IL11: variants seen among roughly 807,000 people sequenced by gnomAD.
IL11 encodes the protein interleukin 11.
IL11 carries 17 observed loss-of-function variants against 18.1 expected under a neutral mutation model. That is an observed-to-expected ratio of 0.94 (90% CI 0.64 to 1.41). The LOEUF is 1.41. Among genes scored for constraint, IL11 ranks in the 40% most tolerant of loss-of-function variants. The pLI, the probability that IL11 is intolerant of heterozygous loss-of-function variation, is 0.00. For synonymous variants in IL11, 144 were observed against 134.1 expected, an observed-to-expected ratio of 1.07 and a Z score of -0.51; for missense variants, 309 against 262.8, an observed-to-expected ratio of 1.18 and a Z score of -1.22.
Position 55,369,597 on chromosome 19 carries a change from G to A in IL11, c.8-656C>T, listed in dbSNP as rs999559042. On this transcript the variant is annotated intron_variant, in intron 1 of 4. Transcript: ENST00000264563. This position sits in a 1 kb window ranked among gnomAD's most constrained non-coding sequence, Gnocchi z 6.1. ...GCAGAGCCATGGGCCCGGCCGGGCC[G>A]CGGGAGCGGGAGAGCTGGCGGCGGG... Among the ~76,000 whole-genome samples, 184 of 149,478 alleles carry A rather than the reference G, an allele frequency of 1.2e-3. 1 individual carries two copies. The highest frequency in any genetic ancestry group is 4.4e-3 in the African/African-American group (180 of 41,016).
intron 2 of IL11, 93 bp from the exon 3 acceptor site, chr19:55,368,662 C>A: frequency 1.3e-6 from 2 of 1,492,378 alleles, no homozygotes; most frequent in Admixed American, 2.0e-5. Flanking sequence ...CCCTCCCTCA[C>A]TCTGCCACCT....
Position 55,368,874 on chromosome 19 carries a change from T to G in IL11, c.75A>C (p.Pro25=). The change falls in exon 2 of 5, where the codon CCA becomes CCC. Residue 25 remains proline (P), a synonymous_variant. Transcript: ENST00000264563. The part of the protein sequence containing the change: ...WPDTAVAPGP[P]PGPPRVSPDP... ...CTGGGGAAACTCGAGGGGGGCCAGGTGGTGGCCCAGGGGCGACAGCTGTAT... is the reference window on the plus strand; with the variant it reads ...CTGGGGAAACTCGAGGGGGGCCAGGGGGTGGCCCAGGGGCGACAGCTGTAT... The G allele has an allele frequency of 3.8e-6, 6 of 1,572,860 alleles. No individual in the cohort carries two copies. Among genetic ancestry groups the G allele is most frequent in the Non-Finnish European group, 5.2e-6 (6 of 1,159,054 alleles).
chr19:55,370,448 G>C lies in IL11; in HGVS notation c.-138C>G. 3 of 479,746 alleles carry C rather than the reference G, an allele frequency of 6.3e-6. No homozygotes were observed. Among genetic ancestry groups the C allele is most frequent in the Non-Finnish European group, 1.1e-5 (3 of 282,476 alleles). The allele number at this position is 479,746 out of a possible 1,614,324, so 29.7% of individuals were successfully genotyped here. ...GGAGGGGAGGCATGTGCCCTGAGCA[G>C]CAGGGCCGCGGCAGTGAGGGAGTGT... On this transcript the variant is annotated 5_prime_UTR_variant, in exon 1 of 5. Coordinates refer to ENST00000264563, the MANE Select transcript of IL11 (RefSeq NM_000641.4).
rs374283886 is a variant in IL11, at chr19:55,369,617, GGCGGGGGGC to G, written c.7+678_8-677del. On this transcript the variant is annotated intron_variant, in intron 1 of 4. Coordinates refer to ENST00000264563, the MANE Select transcript of IL11 (RefSeq NM_000641.4). The surrounding 1 kb of genome is among the most constrained non-coding windows in gnomAD (Gnocchi z 6.1). Reference sequence around the variant, plus strand: ...GGGCCGCGGGAGCGGGAGAGCTGGCGGCGGGGGGCGCGGGGGGCGCGGGGGGCGCGGGGG... The same window carrying G: ...GGGCCGCGGGAGCGGGAGAGCTGGCGGCGGGGGGCGCGGGGGGCGCGGGGG... 1.0e-2 allele frequency among the ~76,000 whole-genome samples: 1,435 copies of G among 143,902 alleles called. 14 individuals carry two copies. Among genetic ancestry groups the G allele is most frequent in the Non-Finnish European group, 0.015 (992 of 65,708 alleles). The allele number at this position is 143,902 out of a possible 152,430, so 94.4% of individuals were successfully genotyped here.
In IL11 at chr19:55,369,971, C is replaced by T. The variant is rs2089812518; in HGVS notation, c.7+333G>A. ...GAGTCTCCCGGTCCCCGCGGGCTCC[C>T]TGGGGCCTGGGTCGATGGGGGTCAC... On this transcript the variant is annotated intron_variant, in intron 1 of 4. Transcript: ENST00000264563. This position sits in a 1 kb window ranked among gnomAD's most constrained non-coding sequence, Gnocchi z 6.1. Among the ~76,000 whole-genome samples, 1 of 152,060 alleles carries T rather than the reference C, an allele frequency of 6.6e-6. No homozygotes were observed. The highest frequency in any genetic ancestry group is 2.4e-5 in the African/African-American group (1 of 41,426).
Position 55,368,542 on chromosome 19 carries a change from G to C in IL11, c.208C>G (p.His70Asp). 2 of 1,612,870 alleles carry C rather than the reference G, an allele frequency of 1.2e-6. No individual in the cohort carries two copies. Among genetic ancestry groups the C allele is most frequent in the Non-Finnish European group, 1.7e-6 (2 of 1,179,694 alleles). ...AGGGTGGGCAGGGAATCCAGGTTGT[G>C]GTCCCCGTCAGCTGGGAATTTGTCC... ...LRDKFPADGD[H>D]NLDSLPTLAM... The change falls in exon 3 of 5, where the codon CAC becomes GAC. Residue 70 changes from histidine to aspartate, a missense_variant. By Grantham distance (81) the His-to-Asp change is moderately conservative. Transcript: ENST00000264563.
In IL11 at chr19:55,368,503, C is replaced by T. The variant is rs2089800346; in HGVS notation, c.247G>A (p.Gly83Arg). The change falls in exon 3 of 5, where the codon GGG becomes AGG. Residue 83 changes from glycine to arginine, a missense_variant. Coordinates refer to ENST00000264563, the MANE Select transcript of IL11 (RefSeq NM_000641.4). Reference sequence around the variant, plus strand: ...CTTACCTGTAGAGCTCCCAGTGCCCCCGCACTCATGGCCAGGGTGGGCAGG... The same window carrying T: ...CTTACCTGTAGAGCTCCCAGTGCCCTCGCACTCATGGCCAGGGTGGGCAGG... ...DSLPTLAMSAGALGALQLPGV... is the reference protein window; with the variant it reads ...DSLPTLAMSARALGALQLPGV... The T allele has an allele frequency of 6.2e-7, 1 of 1,612,428 alleles. No individual in the cohort carries two copies. Among genetic ancestry groups the T allele is most frequent in the African/African-American group, 1.3e-5 (1 of 75,006 alleles).
At position 55,366,223 on chromosome 19, in the gene IL11, G is replaced by A. The variant is rs1298091165; in HGVS notation, c.430-46C>T. On this transcript the variant is annotated intron_variant, in intron 4 of 4. Transcript: ENST00000264563. The surrounding 1 kb of genome is among the most constrained non-coding windows in gnomAD (Gnocchi z 4.6). ...TGAGTCACAGGTAGGGGGTGCAGCG[G>A]GGGTGCAGGGCAGGGGTGCTGTGGA... The A allele has an allele frequency of 6.9e-7, 1 of 1,444,756 alleles. No individual in the cohort carries two copies. Among genetic ancestry groups the A allele is most frequent in the South Asian group, 1.5e-5 (1 of 68,068 alleles). The allele number at this position is 1,444,756 out of a possible 1,614,324, so 89.5% of individuals were successfully genotyped here. A position where few individuals can be genotyped will look rare whatever the true frequency, so the allele number is the denominator to read the frequency against.
Position 55,369,805 on chromosome 19 carries a change from C to T in IL11, c.7+499G>A, listed in dbSNP as rs571250542. On this transcript the variant is annotated intron_variant, in intron 1 of 4. Coordinates refer to ENST00000264563, the MANE Select transcript of IL11 (RefSeq NM_000641.4). This position sits in a 1 kb window ranked among gnomAD's most constrained non-coding sequence, Gnocchi z 6.1. ...GGTCTGTCCGCGCCTCCGTCGGCCG[C>T]ATCTGCCCGGCTCTCCCCGCTTTCC... 4.6e-5 allele frequency among the ~76,000 whole-genome samples: 7 copies of T among 151,686 alleles called. No individual in the cohort carries two copies. Among genetic ancestry groups the T allele is most frequent in the South Asian group, 4.2e-4 (2 of 4,818 alleles).
In IL11 at chr19:55,370,170, G is replaced by A. The variant is rs1401447214; in HGVS notation, c.7+134C>T. 16 of 714,696 alleles carry A rather than the reference G, an allele frequency of 2.2e-5. No individual in the cohort carries two copies. The East Asian group carries it at 4.6e-4, about 20-fold the overall frequency. 44.3% of individuals were successfully genotyped at this position (714,696 alleles called of 1,614,324 possible). A position where few individuals can be genotyped will look rare whatever the true frequency, so the allele number is the denominator to read the frequency against. ...TCCTCCGCCGCCTCCTGTCTCCGAA[G>A]CTGCTCTCCTCCCCGGCTGCCTGTC... On this transcript the variant is annotated intron_variant, in intron 1 of 4. Transcript: ENST00000264563.
intron 1 of IL11, 148 bp downstream of exon 1, chr19:55,370,156 C>T: frequency 5.7e-6 from 4 of 697,508 alleles, no homozygotes; most frequent in South Asian, 4.8e-5. Flanking sequence ...CCTCCGCCGC[C>T]TCCTGTCTCC....
chr19:55,366,818 A>AAAT lies in IL11; in HGVS notation c.430-644_430-642dup, dbSNP rs532964468. ...CAGAGCGCGAGACTCTGTCTCCAAA[A>AAAT]AATAATAATAATAATAATAATTAAG... On this transcript the variant is annotated intron_variant, in intron 4 of 4. Coordinates refer to ENST00000264563, the MANE Select transcript of IL11 (RefSeq NM_000641.4). This position sits in a 1 kb window ranked among gnomAD's most constrained non-coding sequence, Gnocchi z 4.6. Among the ~76,000 whole-genome samples, 381 of 151,944 alleles carry AAAT rather than the reference A, an allele frequency of 2.5e-3. 1 individual carries two copies. The highest frequency in any genetic ancestry group is 0.016 in the South Asian group (75 of 4,814).
rs1032495651 is a variant in IL11 at position 55,370,400 on chromosome 19, G to T, written c.-90C>A. 1.2e-4 allele frequency: 139 copies of T among 1,173,896 alleles called. No individual in the cohort carries two copies. The African/African-American group carries it at 1.8e-3, about 15-fold the overall frequency. The allele number at this position is 1,173,896 out of a possible 1,614,324, so 72.7% of individuals were successfully genotyped here. The stretch of plus-strand genomic sequence containing the variant: ...CTGTCCGCTGCCGGGGGAGCCCCGA[G>T]GGTCAGCTGGGCCGCGGCCTGGGGA... On this transcript the variant is annotated 5_prime_UTR_variant, in exon 1 of 5. Transcript: ENST00000264563.
At position 55,366,979 on chromosome 19, in the gene IL11, T is replaced by C. The variant is rs1410799124; in HGVS notation, c.430-802A>G. ...ACCAGAGCTGGGGTTTTACAGACAG[T>C]ATCTGAGGTCTGTGGGCTCGAGTCT... On this transcript the variant is annotated intron_variant, in intron 4 of 4. Transcript: ENST00000264563. This position sits in a 1 kb window ranked among gnomAD's most constrained non-coding sequence, Gnocchi z 4.6. 6.6e-6 allele frequency among the ~76,000 whole-genome samples: 1 copy of C among 152,096 alleles called. No individual in the cohort carries two copies. Among genetic ancestry groups the C allele is most frequent in the Non-Finnish European group, 1.5e-5 (1 of 68,016 alleles).
chr19:55,365,878 G>T lies in IL11; in HGVS notation c.*129C>A. 7.0e-7 allele frequency: 1 copy of T among 1,438,848 alleles called. No individual in the cohort carries two copies. Among genetic ancestry groups the T allele is most frequent in the Non-Finnish European group, 9.4e-7 (1 of 1,059,598 alleles). 89.1% of individuals were successfully genotyped at this position (1,438,848 alleles called of 1,614,324 possible). On this transcript the variant is annotated 3_prime_UTR_variant, in exon 5 of 5. Transcript: ENST00000264563. The stretch of plus-strand genomic sequence containing the variant: ...GGCACAGATGCCCCCCAGGCCTCAC[G>T]GAAGGACTGTCTCTAACTAGGGGGA...
In IL11 at chr19:55,368,295, C is replaced by T. The variant is rs539435634; in HGVS notation, c.344G>A (p.Gly115Asp). 3.5e-4 allele frequency: 554 copies of T among 1,574,496 alleles called. 10 individuals are homozygous for T. The South Asian group carries it at 6.0e-3, about 17-fold the overall frequency. Residue 115 changes from glycine (G) to aspartate (D), a missense_variant, in exon 4 of 5, where the codon GGT (glycine) becomes GAT (aspartate). By Grantham distance (94) the Gly-to-Asp change is moderately conservative. Transcript: ENST00000264563. ...CTCCAGGGTCTTCAGGGAAGAGCCA[C>T]CTGCCCGGCGCAGCCACTGCACGTG... is the stretch of plus-strand genomic sequence containing the variant. ...LRHVQWLRRA[G>D]GSSLKTLEPE...
intron 1 of IL11, 143 bp downstream of exon 1, chr19:55,370,161 G>A: frequency 1.4e-6 from 1 of 699,612 alleles, no homozygotes; most frequent in Non-Finnish European, 2.6e-6. Context: ...GCCGCCTCCT[G>A]TCTCCGAAGC....
rs1317021622 is a variant in IL11 at position 55,369,228 on chromosome 19, A to T, written c.8-287T>A. 3 of 271,990 alleles carry T rather than the reference A, an allele frequency of 1.1e-5. No homozygotes were observed. Among genetic ancestry groups the T allele is most frequent in the Non-Finnish European group, 2.1e-5 (3 of 144,460 alleles). The allele number at this position is 271,990 out of a possible 1,614,324, so 16.8% of individuals were successfully genotyped here. Reference sequence around the variant, plus strand: ...GGTGGAACGCCCGCGGGCAGGTCGCAGGGCCAGGCGGGCTTCCCTCTCCCT... The same window carrying T: ...GGTGGAACGCCCGCGGGCAGGTCGCTGGGCCAGGCGGGCTTCCCTCTCCCT... On this transcript the variant is annotated intron_variant, in intron 1 of 4. Coordinates refer to ENST00000264563, the MANE Select transcript of IL11 (RefSeq NM_000641.4). This position sits in a 1 kb window ranked among gnomAD's most constrained non-coding sequence, Gnocchi z 6.1.
rs994587823 is a variant in IL11, at chr19:55,366,326, C to G, written c.430-149G>C. 17 of 804,620 alleles carry G rather than the reference C, an allele frequency of 2.1e-5. No individual in the cohort carries two copies. The highest frequency in any genetic ancestry group is 3.1e-5 in the Non-Finnish European group (17 of 545,646). The allele number at this position is 804,620 out of a possible 1,614,324, so 49.8% of individuals were successfully genotyped here. On this transcript the variant is annotated intron_variant, in intron 4 of 4. Transcript: ENST00000264563. The surrounding 1 kb of genome is among the most constrained non-coding windows in gnomAD (Gnocchi z 4.6). ...TGAAGTGTTTAGGCCGGGAGCTCTTCAGGCTGTGGGGTTCCGAAAATGGAG... is the reference window on the plus strand; with the variant it reads ...TGAAGTGTTTAGGCCGGGAGCTCTTGAGGCTGTGGGGTTCCGAAAATGGAG...
Sources: allele counts gnomAD v4.1 joint callset (sites outside exome capture counted in the v4.1 genomes callset), GRCh38; gene constraint gnomAD v4.1.1; non-coding constraint Gnocchi (gnomAD v3.1); transcripts MANE v1.5; gene names NCBI Gene and HGNC (gene_info 2026-07-23, HGNC 2026-07-21).